The following LAMA4 variants were observed in gnomAD, a reference collection of about 807,000 sequenced individuals.
LAMA4 encodes laminin subunit alpha 4.
In LAMA4, 127 loss-of-function variants were observed where a neutral mutation model predicts 207.1. The ratio of observed to expected loss-of-function variants is 0.61; its 90% CI spans 0.53 to 0.71. LAMA4 has a LOEUF of 0.71. Ranked by LOEUF, LAMA4 falls within the 30% of genes least tolerant of loss-of-function variation. The pLI is 0.00. For synonymous variants in LAMA4, 761 were observed against 816.0 expected (o/e 0.93, Z 1.15); for missense variants, 2,093 against 2,246.5 (o/e 0.93, Z 1.38).
intron 2 of LAMA4, among the ~76,000 whole-genome samples, chr6:112,247,063 G>T (rs1787001451): frequency 6.6e-6 from 1 of 152,140 alleles, no homozygotes; most frequent in Non-Finnish European, 1.5e-5. Flanking sequence ...TAACAAGATA[G>T]TGTAGAGCTT....
intron 2 of LAMA4, chr6:112,236,865 C>T (rs1404836510): frequency 6.6e-6 from 1 of 152,056 alleles, no homozygotes; most frequent in African/African-American, 2.4e-5. Flanking sequence ...ACTACTGTAT[C>T]GAGAAAGGAG....
intron 2 of LAMA4, among the ~76,000 whole-genome samples, chr6:112,225,632 T>C (rs1583943861): frequency 6.6e-6 from 1 of 152,192 alleles, no homozygotes; most frequent in Non-Finnish European, 1.5e-5. Context: ...AGTTCTGAAC[T>C]GTTATAAACT....
chr6:112,194,961 G>T (rs1197854710), intron 5 of LAMA4, among the ~76,000 whole-genome samples: 1 of 152,096 alleles, frequency 6.6e-6, no homozygotes, highest in Non-Finnish European at 1.5e-5. Flanking sequence ...TTGTCATTTT[G>T]GTTAGTGATT....
At chr6:112,155,815 T>C in intron 14 of LAMA4, 109 bp from the exon 15 acceptor site, 1 of 1,316,422 alleles carries the variant, frequency 7.6e-7, no homozygotes, top group Non-Finnish European at 1.1e-6. Context: ...GCTTCCTTCC[T>C]GTTATTCAAA....
rs1783498356 is a variant in LAMA4, at chr6:112,197,645, A to G, written c.503+3963T>C. On this transcript the variant is annotated intron_variant, in intron 5 of 38. Transcript: ENST00000230538. Reference sequence around the variant, plus strand: ...ATCAATTTCAGATTCACATTAATTCAATAATTGATGTTGTCTTATAACCAA... The same window carrying G: ...ATCAATTTCAGATTCACATTAATTCGATAATTGATGTTGTCTTATAACCAA... Among the ~76,000 whole-genome samples, 4 of 152,234 alleles carry G rather than the reference A, an allele frequency of 2.6e-5. No homozygotes were observed. In the South Asian group the frequency reaches 8.3e-4, roughly 31 times the overall value.
intron 29 of LAMA4, 48 bp from the exon 30 acceptor site, chr6:112,130,088 C>T (rs568783905): frequency 2.0e-6 from 3 of 1,517,556 alleles, no homozygotes; most frequent in South Asian, 1.1e-5. Context: ...TAGCATTTTA[C>T]CTTGACCCAC....
rs1403171858 is a variant in LAMA4, at chr6:112,114,664, T to C, written c.5205A>G (p.Thr1735=). The change falls in exon 37 of 39, where the codon ACA becomes ACG. Residue 1735 remains threonine (T), a splice_region_variant and synonymous_variant. Coordinates refer to ENST00000230538, the MANE Select transcript of LAMA4 (RefSeq NM_001105206.3). ...SLCDGRWHRI[T]VIRDSNVVQL... ...CCCCAGGGCAGTCAGTTTTCTCACCTGTAATTCTGTGCCATCTGCCATCAC... is the reference window on the plus strand; with the variant it reads ...CCCCAGGGCAGTCAGTTTTCTCACCCGTAATTCTGTGCCATCTGCCATCAC... 2.5e-6 allele frequency: 4 copies of C among 1,607,662 alleles called. No individual in the cohort carries two copies. Among genetic ancestry groups the C allele is most frequent in the Non-Finnish European group, 3.4e-6 (4 of 1,174,360 alleles).
At chr6:112,249,958 T>C (rs1367163904) in intron 2 of LAMA4, among the ~76,000 whole-genome samples, 1 of 152,240 alleles carries the variant, frequency 6.6e-6, no homozygotes, top group African/African-American at 2.4e-5. Context: ...TTGTTCTGTA[T>C]ATAATGGCCA....
At chr6:112,190,448 C>T (rs1450566906) in intron 6 of LAMA4, among the ~76,000 whole-genome samples, 7 of 152,172 alleles carry the variant, frequency 4.6e-5, no homozygotes, top group African/African-American at 1.4e-4. Context: ...TGAATCTTTT[C>T]AAGTGGAAAT....
At chr6:112,213,686 GA>G (rs1286680153) in intron 3 of LAMA4, 4 of 226,158 alleles carry the variant, frequency 1.8e-5, no homozygotes, top group African/African-American at 9.0e-5. Context: ...TTTTGTGGCT[GA>G]ATGGCTTAGG....
chr6:112,180,121 C>T (rs1373824442), intron 9 of LAMA4, among the ~76,000 whole-genome samples: 1 of 152,134 alleles, frequency 6.6e-6, no homozygotes, highest in African/African-American at 2.4e-5. Context: ...TTGCAAAGCA[C>T]AACACCCCTA....
chr6:112,246,006 G>C (rs58010224), intron 2 of LAMA4, among the ~76,000 whole-genome samples: 10,908 of 152,194 alleles, frequency 0.072, 603 homozygotes, highest in East Asian at 0.18. Context: ...ATGATAAAAA[G>C]ACTCAGATTC....
chr6:112,233,197 A>G (rs1367300504), intron 2 of LAMA4, among the ~76,000 whole-genome samples: 1 of 152,194 alleles, frequency 6.6e-6, no homozygotes, highest in East Asian at 1.9e-4. Flanking sequence ...GAATTACACA[A>G]CAGAATCGTA....
At chr6:112,216,634 A>G in intron 2 of LAMA4, 165 bp from the exon 3 acceptor site, 1 of 651,930 alleles carries the variant, frequency 1.5e-6, no homozygotes, top group East Asian at 2.8e-5. Flanking sequence ...TATTTATACT[A>G]CCATTCAGTG....
intron 3 of LAMA4, among the ~76,000 whole-genome samples, chr6:112,215,763 G>C (rs1160972075): frequency 6.6e-6 from 1 of 152,116 alleles, no homozygotes; most frequent in Non-Finnish European, 1.5e-5. Context: ...TTTCGCACAA[G>C]GCTCTATCAT....
intron 38 of LAMA4, among the ~76,000 whole-genome samples, chr6:112,110,004 T>C (rs1297823798): frequency 6.6e-6 from 1 of 152,262 alleles, no homozygotes; most frequent in Non-Finnish European, 1.5e-5. Context: ...AATATTTCTG[T>C]TTAATTCATT....
At position 112,121,999 on chromosome 6, in the gene LAMA4, A is replaced by G. The variant is rs896653626; in HGVS notation, c.4475+15T>C. 1.4e-5 allele frequency: 23 copies of G among 1,608,984 alleles called. No homozygotes were observed. Among genetic ancestry groups the G allele is most frequent in the Non-Finnish European group, 2.0e-5 (23 of 1,175,412 alleles). ...CATGTCATTAGGAGTCTAGGAGTAT[A>G]GTGTGTTACTTTACTTGGCACCAAA... On this transcript the variant is annotated intron_variant, in intron 32 of 38. Transcript: ENST00000230538.
intron 4 of LAMA4, among the ~76,000 whole-genome samples, chr6:112,204,657 AC>A (rs138554247): frequency 0.055 from 8,378 of 152,266 alleles, 729 homozygotes; most frequent in African/African-American, 0.19. Flanking sequence ...CGTGATTAAA[AC>A]GAATGCTTGA....
At chr6:112,114,439 T>C (rs1554322689) in intron 37 of LAMA4, among the ~76,000 whole-genome samples, 1 of 152,166 alleles carries the variant, frequency 6.6e-6, no homozygotes, top group African/African-American at 2.4e-5. Context: ...CCCTATAAGT[T>C]ATGCATTATT....
Sources: gnomAD v4.1 joint callset for allele counts (sites outside exome capture counted in the v4.1 genomes callset) on GRCh38, gnomAD v4.1.1 for gene constraint, MANE v1.5 for transcripts, NCBI Gene and HGNC (gene_info 2026-07-23, HGNC 2026-07-21) for gene names.